FAM110B: variants seen among roughly 807,000 people sequenced by gnomAD.
The protein encoded by FAM110B is family with sequence similarity 110 member B, also known as protein FAM110B.
FAM110B carries 6 observed loss-of-function variants against 20.4 expected under a neutral mutation model. The ratio of observed to expected loss-of-function variants is 0.29; its 90% CI spans 0.16 to 0.58. FAM110B has a LOEUF of 0.58. FAM110B is among the 20% of genes least tolerant of loss of function. The probability of loss-of-function intolerance (pLI) is 0.90; values close to 1 mark genes in which losing one functional copy is unlikely to be tolerated. For missense variants in FAM110B, 434 were observed against 498.2 expected (o/e 0.87, Z 1.23); for synonymous variants, 226 against 214.1 (o/e 1.06, Z -0.49).
intron 3 of FAM110B, among the ~76,000 whole-genome samples, chr8:58,131,154 CATT>C (rs1366569140): frequency 6.6e-6 from 1 of 152,218 alleles, no homozygotes; most frequent in Non-Finnish European, 1.5e-5. Flanking sequence ...ACCTATAAGT[CATT>C]ATTCTCTGGG....
At position 58,148,171 on chromosome 8, in the gene FAM110B, T is replaced by G. The variant is rs1163835186; in HGVS notation, c.*828T>G. ...AAAAAAAGTTGTGGTTTTTTGTTTTTTTTTTTTTTTTTTTTGGTCGAGAAC... is the reference window on the plus strand; with the variant it reads ...AAAAAAAGTTGTGGTTTTTTGTTTTGTTTTTTTTTTTTTTTGGTCGAGAAC... On this transcript the variant is annotated 3_prime_UTR_variant, in exon 4 of 4. Transcript: ENST00000519262. 6.6e-5 allele frequency: 10 copies of G among 151,750 alleles called. No homozygotes were observed. Among genetic ancestry groups the G allele is most frequent in the Middle Eastern group, 3.8e-3 (1 of 264 alleles). The allele number at this position is 151,750 out of a possible 1,614,324, so 9.4% of individuals were successfully genotyped here.
chr8:58,092,059 A>G lies in FAM110B; in HGVS notation c.-325+16436A>G, dbSNP rs1806492286. On this transcript the variant is annotated intron_variant, in intron 3 of 3. Transcript: ENST00000519262. ...TAATAGTACTTCATGTAAGCAGAGT[A>G]ACCACTGCTAAAAGACTCACATTCT... 2.0e-5 allele frequency among the ~76,000 whole-genome samples: 3 copies of G among 152,228 alleles called. No homozygotes were observed. In the South Asian group the frequency reaches 6.2e-4, roughly 31 times the overall value.
chr8:58,138,185 G>T (rs1243684774), intron 3 of FAM110B, among the ~76,000 whole-genome samples: 1 of 152,222 alleles, frequency 6.6e-6, no homozygotes, highest in Non-Finnish European at 1.5e-5. Context: ...ACATTTCAGA[G>T]CTGGTTCTCT....
At chr8:58,057,045 G>A (rs1805560630) in intron 2 of FAM110B, among the ~76,000 whole-genome samples, 1 of 152,216 alleles carries the variant, frequency 6.6e-6, no homozygotes. Context: ...GGGCAACATA[G>A]GAATGGCATT....
chr8:58,100,681 A>G (rs1267554821), intron 3 of FAM110B, among the ~76,000 whole-genome samples: 2 of 152,150 alleles, frequency 1.3e-5, no homozygotes, highest in Non-Finnish European at 2.9e-5. Context: ...GCCCCTTTTT[A>G]TAAGGACACC....
chr8:58,122,933 T>C (rs1807398727), intron 3 of FAM110B, among the ~76,000 whole-genome samples: 1 of 152,196 alleles, frequency 6.6e-6, no homozygotes, highest in South Asian at 2.1e-4. Flanking sequence ...TTTCTCCAAA[T>C]TAGAACCCCT....
At chr8:58,076,985 G>A (rs1806050963) in intron 3 of FAM110B, 1 of 152,222 alleles carries the variant, frequency 6.6e-6, no homozygotes. Flanking sequence ...AACTTAGGCT[G>A]ACAAATAAGA....
chr8:58,025,194 G>T, intron 1 of FAM110B, among the ~76,000 whole-genome samples: 1 of 152,164 alleles, frequency 6.6e-6, no homozygotes, highest in South Asian at 2.1e-4. Context: ...ATGTTTTTGT[G>T]GAGATGAGCA....
intron 3 of FAM110B, among the ~76,000 whole-genome samples, chr8:58,136,700 T>C: frequency 6.6e-6 from 1 of 152,216 alleles, no homozygotes; most frequent in East Asian, 1.9e-4. Flanking sequence ...GGCCCTCTTA[T>C]AATAACACAT....
Position 58,146,645 on chromosome 8 carries a change from C to A in FAM110B, c.415C>A (p.His139Asn). Reference sequence around the variant, plus strand: ...CTCTAGCTCGGGCTCGGGGCACAAGCACAGCTCCCGCAACTGGCCGCCCCA... The same window carrying A: ...CTCTAGCTCGGGCTCGGGGCACAAGAACAGCTCCCGCAACTGGCCGCCCCA... ...EGSSSGSGHKHSSRNWPPHRS... is the reference protein window; with the variant it reads ...EGSSSGSGHKNSSRNWPPHRS... The change falls in exon 4 of 4, where the codon CAC (histidine) becomes AAC (asparagine). Residue 139 changes from histidine to asparagine, a missense_variant. Physicochemically the swap from His to Asn is moderately conservative, Grantham distance 68. This residue lies in a region of FAM110B where 284 missense variants were observed against 278.3 expected (regional missense o/e 1.02). Transcript: ENST00000519262. The A allele has an allele frequency of 6.2e-7, 1 of 1,613,396 alleles. No individual in the cohort carries two copies. Among genetic ancestry groups the A allele is most frequent in the African/African-American group, 1.3e-5 (1 of 75,036 alleles).
At chr8:58,047,486 CAA>C in intron 2 of FAM110B, among the ~76,000 whole-genome samples, 1 of 152,100 alleles carries the variant, frequency 6.6e-6, no homozygotes, top group Middle Eastern at 3.4e-3. Flanking sequence ...TCACAGTCTC[CAA>C]CCATCACCTC....
chr8:57,999,545 C>T (rs929424273), intron 1 of FAM110B, among the ~76,000 whole-genome samples: 1 of 151,708 alleles, frequency 6.6e-6, no homozygotes, highest in Non-Finnish European at 1.5e-5. Flanking sequence ...TTAACTGGAA[C>T]TTAATATAAA....
At chr8:58,066,750 G>T (rs1805776039) in intron 2 of FAM110B, among the ~76,000 whole-genome samples, 1 of 152,126 alleles carries the variant, frequency 6.6e-6, no homozygotes, top group Admixed American at 6.5e-5. Flanking sequence ...CGGATCGTTG[G>T]TTTCTCTGCC....
intron 3 of FAM110B, among the ~76,000 whole-genome samples, chr8:58,125,215 G>C (rs1011293488): frequency 6.6e-6 from 1 of 152,170 alleles, no homozygotes; most frequent in African/African-American, 2.4e-5. Flanking sequence ...GGGCGTGGTG[G>C]CGCATGCCTG....
intron 1 of FAM110B, among the ~76,000 whole-genome samples, chr8:58,008,873 C>T (rs1585807140): frequency 1.3e-5 from 2 of 152,142 alleles, no homozygotes; most frequent in African/African-American, 4.8e-5. Flanking sequence ...AGCCCGAGTC[C>T]CCATTGACAT....
intron 3 of FAM110B, among the ~76,000 whole-genome samples, chr8:58,126,653 ATGTCT>A (rs1426141435): frequency 2.0e-5 from 3 of 152,026 alleles, no homozygotes; most frequent in African/African-American, 7.3e-5. Flanking sequence ...ATAGATTTTA[ATGTCT>A]TATAATGTTG....
intron 3 of FAM110B, among the ~76,000 whole-genome samples, chr8:58,098,524 G>C (rs1048805735): frequency 2.0e-5 from 3 of 152,142 alleles, no homozygotes; most frequent in Non-Finnish European, 2.9e-5. Context: ...TGGCTCCCTG[G>C]CTTCAGCCCC....
At chr8:58,071,700 GA>G (rs1481003580) in intron 2 of FAM110B, among the ~76,000 whole-genome samples, 5 of 152,010 alleles carry the variant, frequency 3.3e-5, no homozygotes, top group Admixed American at 6.5e-5. Flanking sequence ...TTTTTAAGGG[GA>G]AAAAAAGGAA....
At chr8:58,075,493 A>G (rs1167657025) in intron 2 of FAM110B, 42 bp from the exon 3 acceptor site, 2 of 152,230 alleles carry the variant, frequency 1.3e-5, no homozygotes, top group Middle Eastern at 3.4e-3. Context: ...ATTTTTATCA[A>G]ATAAAAAGGC....
Sources: gnomAD v4.1 joint callset for allele counts (sites outside exome capture counted in the v4.1 genomes callset) on GRCh38, gnomAD v4.1.1 for gene constraint, gnomAD v4.1.1 regional missense constraint, MANE v1.5 for transcripts, NCBI Gene and HGNC (gene_info 2026-07-23, HGNC 2026-07-21) for gene names.